The following DLX3 variants were observed in gnomAD, a reference collection of about 807,000 sequenced individuals.
The protein encoded by DLX3 is distal-less homeobox 3, also known as homeobox protein DLX-3.
In DLX3, 9 loss-of-function variants were observed where a neutral mutation model predicts 28.0. The ratio of observed to expected loss-of-function variants is 0.32; its 90% CI spans 0.19 to 0.56. The LOEUF (loss-of-function observed/expected upper bound fraction) is 0.56. Ranked by LOEUF, DLX3 falls within the 20% of genes least tolerant of loss-of-function variation. The probability of loss-of-function intolerance (pLI) is 0.91; values close to 1 mark genes in which losing one functional copy is unlikely to be tolerated. For missense variants in DLX3, 313 were observed against 378.2 expected (o/e 0.83, Z 1.43); for synonymous variants, 154 against 167.9 (o/e 0.92, Z 0.64).
rs1370161777 is a variant in DLX3 at position 49,991,489 on chromosome 17, T to C, written c.*28A>G. Reference sequence around the variant, plus strand: ...GCCTTCTGCCTGGTCCTGGGGTCCTTTGTCAAGGGTGCAGGCCAGATGGGT... The same window carrying C: ...GCCTTCTGCCTGGTCCTGGGGTCCTCTGTCAAGGGTGCAGGCCAGATGGGT... On this transcript the variant is annotated 3_prime_UTR_variant, in exon 3 of 3. Transcript: ENST00000434704. 1.3e-6 allele frequency: 2 copies of C among 1,569,054 alleles called. No homozygotes were observed. The highest frequency in any genetic ancestry group is 1.7e-6 in the Non-Finnish European group (2 of 1,161,756).
At position 49,994,979 on chromosome 17, in the gene DLX3, C is replaced by A. The variant is rs1411084054; in HGVS notation, c.20G>T (p.Arg7Leu). 1.9e-6 allele frequency: 3 copies of A among 1,612,204 alleles called. No individual in the cohort carries two copies. The highest frequency in any genetic ancestry group is 2.5e-6 in the Non-Finnish European group (3 of 1,180,018). The change falls in exon 1 of 3, where the codon CGC (arginine) becomes CTC (leucine). Residue 7 changes from arginine (R) to leucine (L), a missense_variant. This residue lies in a region of DLX3 where 183 missense variants were observed against 197.7 expected (regional missense o/e 0.93). Coordinates refer to ENST00000434704, the MANE Select transcript of DLX3 (RefSeq NM_005220.3). ...GTCGGTGAGGATGCTGCTGAGCTTG[C>A]GATCGAAGGAGCCACTCATCCTGGC... MSGSFD[R>L]KLSSILTDIS...
At position 49,995,154 on chromosome 17, in the gene DLX3, C is replaced by G. The variant is rs908044828; in HGVS notation, c.-156G>C. The G allele has an allele frequency of 1.4e-5, 13 of 908,892 alleles. No individual in the cohort carries two copies. In the African/African-American group the frequency reaches 2.1e-4, roughly 15 times the overall value. The allele number at this position is 908,892 out of a possible 1,614,324, so 56.3% of individuals were successfully genotyped here. On this transcript the variant is annotated 5_prime_UTR_variant, in exon 1 of 3. Coordinates refer to ENST00000434704, the MANE Select transcript of DLX3 (RefSeq NM_005220.3). Reference sequence around the variant, plus strand: ...GGGGGGAGGGGGAGGCCGAGAGGCGCTTACACCATTGCCTGCCGTCAGGCG... The same window carrying G: ...GGGGGGAGGGGGAGGCCGAGAGGCGGTTACACCATTGCCTGCCGTCAGGCG...
At position 49,990,553 on chromosome 17, in the gene DLX3, C is replaced by T. The variant is rs1906050751; in HGVS notation, c.*964G>A. The T allele has an allele frequency of 6.6e-6, 1 of 152,502 alleles. No individual in the cohort carries two copies. The highest frequency in any genetic ancestry group is 6.6e-5 in the Admixed American group (1 of 15,264). The allele number at this position is 152,502 out of a possible 1,614,324, so 9.4% of individuals were successfully genotyped here. A position where few individuals can be genotyped will look rare whatever the true frequency, so the allele number is the denominator to read the frequency against. On this transcript the variant is annotated 3_prime_UTR_variant, in exon 3 of 3. Coordinates refer to ENST00000434704, the MANE Select transcript of DLX3 (RefSeq NM_005220.3). ...TCGGAGCAATCTGTTTCCAAGGCCA[C>T]CGGAAAGGAGGTGTTTGGGGGTTTG...
At position 49,990,872 on chromosome 17, in the gene DLX3, T is replaced by C. The variant is rs900346043; in HGVS notation, c.*645A>G. 1 of 152,750 alleles carries C rather than the reference T, an allele frequency of 6.5e-6. No individual in the cohort carries two copies. Among genetic ancestry groups the C allele is most frequent in the Non-Finnish European group, 1.5e-5 (1 of 68,104 alleles). 9.5% of individuals were successfully genotyped at this position (152,750 alleles called of 1,614,324 possible). ...GGGAGAGAGATGGCTCCTTTAGTTC[T>C]TTCCTCTAAAGCCACAAATATTAAA... On this transcript the variant is annotated 3_prime_UTR_variant, in exon 3 of 3. Transcript: ENST00000434704.
At chr17:49,994,643 C>T in intron 1 of DLX3, 31 bp downstream of exon 1, 2 of 1,613,036 alleles carry the variant, frequency 1.2e-6, no homozygotes, top group Non-Finnish European at 1.7e-6. Flanking sequence ...TCCAGTGTCT[C>T]CCACTGTCCT....
chr17:49,993,093 A>G (rs1906148765), intron 2 of DLX3, among the ~76,000 whole-genome samples: 1 of 152,148 alleles, frequency 6.6e-6, no homozygotes, highest in African/African-American at 2.4e-5. Context: ...CAGTCTGCAC[A>G]CATGCCTAGC....
chr17:49,992,000 T>G lies in DLX3; in HGVS notation c.517-136A>C, dbSNP rs940638567. ...TCAGGCAAAAAACAGGCCTCCTGAC[T>G]CCCAGTTTCTTGGATCTGGGATAGA... On this transcript the variant is annotated intron_variant, in intron 2 of 2. Transcript: ENST00000434704. The G allele has an allele frequency of 2.8e-5, 24 of 842,120 alleles. No individual in the cohort carries two copies. In the African/African-American group the frequency reaches 3.4e-4, roughly 12 times the overall value. The allele number at this position is 842,120 out of a possible 1,614,324, so 52.2% of individuals were successfully genotyped here. A position where few individuals can be genotyped will look rare whatever the true frequency, so the allele number is the denominator to read the frequency against.
At chr17:49,993,795 C>T in intron 1 of DLX3, 1 of 365,120 alleles carries the variant, frequency 2.7e-6, no homozygotes, top group East Asian at 5.9e-5. Context: ...CGCGGCGCTC[C>T]CAGCTCCGCG....
rs1356607619 is a variant in DLX3, at chr17:49,990,800, T to C, written c.*717A>G. The C allele has an allele frequency of 1.3e-5, 2 of 152,566 alleles. No homozygotes were observed. Among genetic ancestry groups the C allele is most frequent in the Admixed American group, 6.5e-5 (1 of 15,278 alleles). The allele number at this position is 152,566 out of a possible 1,614,324, so 9.5% of individuals were successfully genotyped here. A position where few individuals can be genotyped will look rare whatever the true frequency, so the allele number is the denominator to read the frequency against. ...CCTGGACATGGAAGAAATAAGTCCA[T>C]AGGAAAAACGTCTGAGACCCACCCC... On this transcript the variant is annotated 3_prime_UTR_variant, in exon 3 of 3. Transcript: ENST00000434704.
Position 49,993,601 on chromosome 17 carries a change from C to A in DLX3, c.326-11G>T. 2.5e-6 allele frequency: 4 copies of A among 1,612,548 alleles called. No homozygotes were observed. Among genetic ancestry groups the A allele is most frequent in the Non-Finnish European group, 3.4e-6 (4 of 1,179,416 alleles). On this transcript the variant is annotated splice_polypyrimidine_tract_variant and intron_variant, in intron 1 of 2. Transcript: ENST00000434704. ...CCTCCTTCACCGACACTGCGGGGAA[C>A]GCACCGGGCGGAAGAGGGGGCGGTT... is the stretch of plus-strand genomic sequence containing the variant.
At position 49,995,078 on chromosome 17, in the gene DLX3, A is replaced by G. The variant is rs2144187954; in HGVS notation, c.-80T>C. The G allele has an allele frequency of 6.5e-7, 1 of 1,527,330 alleles. No individual in the cohort carries two copies. The highest frequency in any genetic ancestry group is 1.4e-5 in the African/African-American group (1 of 73,280). 94.6% of individuals were successfully genotyped at this position (1,527,330 alleles called of 1,614,324 possible). A position where few individuals can be genotyped will look rare whatever the true frequency, so the allele number is the denominator to read the frequency against. On this transcript the variant is annotated 5_prime_UTR_variant, in exon 1 of 3. Coordinates refer to ENST00000434704, the MANE Select transcript of DLX3 (RefSeq NM_005220.3). The stretch of plus-strand genomic sequence containing the variant: ...CCGGAGTGCGAGAGAGGCGGAAGAG[A>G]CGAGGCAGGGGTGTGTGTCCAGAAG...
At chr17:49,991,975 T>C (rs1265349871) in intron 2 of DLX3, 111 bp from the exon 3 acceptor site, 10 of 1,126,556 alleles carry the variant, frequency 8.9e-6, no homozygotes, top group Non-Finnish European at 1.3e-5. Flanking sequence ...CACATAAGAA[T>C]CAGGCAAAAA....
intron 1 of DLX3, chr17:49,993,849 G>A (rs1049625093): frequency 1.1e-4 from 25 of 217,946 alleles, no homozygotes; most frequent in Admixed American, 2.3e-4. Context: ...CGCCGCCTGC[G>A]CCAGGACCGC....
Position 49,995,059 on chromosome 17 carries a change from T to C in DLX3, c.-61A>G, listed in dbSNP as rs1906230245. The C allele has an allele frequency of 6.3e-7, 1 of 1,579,088 alleles. No individual in the cohort carries two copies. Among genetic ancestry groups the C allele is most frequent in the African/African-American group, 1.3e-5 (1 of 74,266 alleles). ...CGCAGAGGACAGGAACGGACCGGAGTGCGAGAGAGGCGGAAGAGACGAGGC... is the reference window on the plus strand; with the variant it reads ...CGCAGAGGACAGGAACGGACCGGAGCGCGAGAGAGGCGGAAGAGACGAGGC... On this transcript the variant is annotated 5_prime_UTR_variant, in exon 1 of 3. Transcript: ENST00000434704.
intron 2 of DLX3, among the ~76,000 whole-genome samples, chr17:49,993,108 A>C (rs1422559987): frequency 6.6e-6 from 1 of 152,140 alleles, no homozygotes; most frequent in East Asian, 1.9e-4. Context: ...CCTAGCCTGG[A>C]GGGAAAACAC....
intron 1 of DLX3, 58 bp downstream of exon 1, chr17:49,994,616 T>C: frequency 6.3e-7 from 1 of 1,598,026 alleles, no homozygotes; most frequent in Non-Finnish European, 8.6e-7. Flanking sequence ...CCATGCCTTT[T>C]CCTCCCTCGG....
intron 2 of DLX3, among the ~76,000 whole-genome samples, chr17:49,992,077 T>C (rs1390625418): frequency 3.3e-5 from 5 of 152,164 alleles, no homozygotes. Flanking sequence ...CTCTGTCACT[T>C]ACTAAGCGTG....
intron 2 of DLX3, among the ~76,000 whole-genome samples, chr17:49,992,544 G>A (rs1289253314): frequency 6.6e-6 from 1 of 152,146 alleles, no homozygotes; most frequent in Non-Finnish European, 1.5e-5. Flanking sequence ...GGGGACTCAG[G>A]AGCAGGTGAG....
intron 2 of DLX3, among the ~76,000 whole-genome samples, chr17:49,992,261 T>C (rs1201404597): frequency 6.6e-6 from 1 of 152,128 alleles, no homozygotes; most frequent in Non-Finnish European, 1.5e-5. Flanking sequence ...TAAAAGGCCG[T>C]TGAGGTGGGA....
Sources: gnomAD v4.1 joint callset for allele counts (sites outside exome capture counted in the v4.1 genomes callset) on GRCh38, gnomAD v4.1.1 for gene constraint, gnomAD v4.1.1 regional missense constraint, MANE v1.5 for transcripts, NCBI Gene and HGNC (gene_info 2026-07-23, HGNC 2026-07-21) for gene names.